The following BRWD3 variants were observed in gnomAD, a reference collection of about 807,000 sequenced individuals.
The protein encoded by BRWD3 is bromodomain and WD repeat-containing protein 3.
BRWD3 carries 10 observed loss-of-function variants against 149.7 expected under a neutral mutation model. That is an observed-to-expected ratio of 0.07 (90% confidence interval 0.04 to 0.11). The LOEUF (loss-of-function observed/expected upper bound fraction) is 0.11. Among genes scored for constraint, BRWD3 ranks in the 10% least tolerant of loss-of-function variants. The probability of loss-of-function intolerance (pLI) is 1.00; values close to 1 mark genes in which losing one functional copy is unlikely to be tolerated. For synonymous variants in BRWD3, 504 were observed against 456.7 expected (o/e 1.10, Z -1.32); for missense variants, 940 against 1,373.2 (o/e 0.68, Z 4.99).
intron 11 of BRWD3, 39 bp downstream of exon 11, chrX:80,734,079 T>C (rs748734888): frequency 4.0e-5 from 35 of 883,761 alleles, no homozygotes; most frequent in Non-Finnish European, 5.7e-5. Flanking sequence ...TTTCCAAGGA[T>C]GTTCAAAAAT....
intron 23 of BRWD3, 145 bp from the exon 24 acceptor site, chrX:80,703,738 G>C (rs2072823484): frequency 2.4e-6 from 1 of 422,883 alleles, no homozygotes; most frequent in South Asian, 5.3e-5. Flanking sequence ...AAATTTGAAT[G>C]ATTTTGCTTT....
intron 26 of BRWD3, among the ~76,000 whole-genome samples, 192 bp downstream of exon 26, chrX:80,696,519 TACACACACACACACACACACACACACAC>T (rs560341387): frequency 1.2e-5 from 1 of 82,178 alleles, no homozygotes. Context: ...ATAACATAAA[TACACACACACACACACACACACACACAC>T]ACACACACAC....
At chrX:80,778,896 G>A (rs1282964944) in intron 6 of BRWD3, among the ~76,000 whole-genome samples, 3 of 111,864 alleles carry the variant, frequency 2.7e-5, no homozygotes, top group Non-Finnish European at 5.6e-5. Context: ...CTACTTGGCA[G>A]GTTGAGGCAT....
intron 7 of BRWD3, among the ~76,000 whole-genome samples, chrX:80,745,094 C>A (rs1377137814): frequency 9.0e-6 from 1 of 110,809 alleles, no homozygotes; most frequent in Non-Finnish European, 1.9e-5. Context: ...AATAAAAATT[C>A]AGCTTAAAAA....
intron 6 of BRWD3, among the ~76,000 whole-genome samples, chrX:80,784,579 C>T (rs887923770): frequency 5.4e-5 from 6 of 110,812 alleles, no homozygotes; most frequent in African/African-American, 1.6e-4. Context: ...GTTGTTCCCC[C>T]GCCCTGTGTC....
At chrX:80,783,365 G>A (rs2074075473) in intron 6 of BRWD3, among the ~76,000 whole-genome samples, 1 of 96,275 alleles carries the variant, frequency 1.0e-5, no homozygotes, top group Non-Finnish European at 2.1e-5. Context: ...CAGCCTGGGT[G>A]ACAGAGTGAG....
chrX:80,688,994 TAA>T (rs60485182), intron 33 of BRWD3, among the ~76,000 whole-genome samples: 5 of 107,566 alleles, frequency 4.6e-5, no homozygotes, highest in Non-Finnish European at 7.7e-5. Flanking sequence ...ATGAAAAAAA[TAA>T]AAAAAAACAG....
chrX:80,689,283 A>AC (rs1475919155), intron 33 of BRWD3, among the ~76,000 whole-genome samples: 1 of 111,607 alleles, frequency 9.0e-6, no homozygotes, highest in Non-Finnish European at 1.9e-5. Flanking sequence ...GCTGAGTACT[A>AC]CTTCCATTTC....
Position 80,791,967 on chromosome X carries a change from C to A in BRWD3, c.332-15G>T. 9.0e-7 allele frequency: 1 copy of A among 1,113,999 alleles called. No homozygotes were observed. Among genetic ancestry groups the A allele is most frequent in the Non-Finnish European group, 1.2e-6 (1 of 813,073 alleles). 91.8% of individuals were successfully genotyped at this position (1,113,999 alleles called of 1,213,427 possible). ...ACTCTTACAGTCTATATAAAAAGAA[C>A]AAAGGTTGCTAAGGAATAGAGCAGT... is the stretch of plus-strand genomic sequence containing the variant. On this transcript the variant is annotated splice_polypyrimidine_tract_variant and intron_variant, in intron 5 of 40. Coordinates refer to ENST00000373275, the MANE Select transcript of BRWD3 (RefSeq NM_153252.5).
At chrX:80,700,442 A>AT (rs58761845) in intron 24 of BRWD3, among the ~76,000 whole-genome samples, 103 of 94,329 alleles carry the variant, frequency 1.1e-3, no homozygotes, top group Non-Finnish European at 1.3e-3. Flanking sequence ...TGATATATAT[A>AT]ACAATACAAT....
intron 6 of BRWD3, among the ~76,000 whole-genome samples, chrX:80,771,719 C>A (rs1232998537): frequency 8.9e-6 from 1 of 111,914 alleles, no homozygotes; most frequent in Non-Finnish European, 1.9e-5. Context: ...ACCTACCCAT[C>A]TGACAAAGGG....
chrX:80,742,620 G>A (rs1358422836), intron 8 of BRWD3, among the ~76,000 whole-genome samples: 1 of 109,986 alleles, frequency 9.1e-6, no homozygotes, highest in Non-Finnish European at 1.9e-5. Context: ...CACATCCCTT[G>A]TAAGTTGGAT....
intron 13 of BRWD3, among the ~76,000 whole-genome samples, chrX:80,729,281 T>C (rs1178862620): frequency 2.7e-5 from 3 of 111,613 alleles, no homozygotes; most frequent in Non-Finnish European, 5.7e-5. Context: ...TAAAAACCCA[T>C]AGGTCTTATA....
In BRWD3 at chrX:80,741,377, C is replaced by T. The variant is rs759159737; in HGVS notation, c.813+2655G>A. On this transcript the variant is annotated intron_variant, in intron 8 of 40. Coordinates refer to ENST00000373275, the MANE Select transcript of BRWD3 (RefSeq NM_153252.5). ...TAGTACTGCAATAAACATCTGTGTG[C>T]GTGTGTCTTTAGAGCAGCATGATTT... Among the ~76,000 whole-genome samples, 13 of 111,818 alleles carry T rather than the reference C, an allele frequency of 1.2e-4. No homozygotes were observed. The East Asian group carries it at 2.2e-3, about 19-fold the overall frequency.
intron 40 of BRWD3, among the ~76,000 whole-genome samples, chrX:80,677,666 G>T (rs916361691): frequency 2.6e-4 from 29 of 111,532 alleles, no homozygotes; most frequent in Admixed American, 2.2e-3. Context: ...CATTCATTCG[G>T]TTGATAAATT....
intron 14 of BRWD3, among the ~76,000 whole-genome samples, chrX:80,728,550 A>G (rs1400532732): frequency 9.0e-6 from 1 of 111,635 alleles, no homozygotes; most frequent in Admixed American, 9.5e-5. Context: ...AAAGATCTTG[A>G]AAAGATTTCA....
intron 6 of BRWD3, among the ~76,000 whole-genome samples, chrX:80,776,867 T>C (rs1441656607): frequency 9.0e-6 from 1 of 111,163 alleles, no homozygotes; most frequent in African/African-American, 3.3e-5. Flanking sequence ...CAGCCACCAA[T>C]CTAGAACTGA....
chrX:80,779,622 G>A (rs199709224), intron 6 of BRWD3, among the ~76,000 whole-genome samples: 3 of 111,431 alleles, frequency 2.7e-5, no homozygotes, highest in Non-Finnish European at 5.6e-5. Flanking sequence ...GTGAAGCTTC[G>A]TTGGGGGTTT....
intron 20 of BRWD3, among the ~76,000 whole-genome samples, chrX:80,713,827 T>G (rs769664748): frequency 5.1e-4 from 58 of 112,686 alleles, no homozygotes; most frequent in African/African-American, 1.8e-3. Context: ...GCTCTTTTGT[T>G]ATTCTCTTGC....
Sources: allele counts gnomAD v4.1 joint callset (sites outside exome capture counted in the v4.1 genomes callset), GRCh38; gene constraint gnomAD v4.1.1; transcripts MANE v1.5; gene names NCBI Gene and HGNC (gene_info 2026-07-23, HGNC 2026-07-21).